The following NHSL1 variants were observed in gnomAD, a reference collection of about 807,000 sequenced individuals.
NHSL1 encodes the protein NHS like 1, also known as NHS-like protein 1.
In NHSL1, 48 loss-of-function variants were observed where a neutral mutation model predicts 95.0. That is an observed-to-expected ratio of 0.51 (90% CI 0.40 to 0.64). The LOEUF (loss-of-function observed/expected upper bound fraction) is 0.64. Among genes scored for constraint, NHSL1 ranks in the 30% least tolerant of loss-of-function variants. The pLI is 0.00. For synonymous variants in NHSL1, 783 were observed against 833.9 expected (o/e 0.94, Z 1.05); for missense variants, 1,971 against 2,077.7 (o/e 0.95, Z 1.00).
chr6:138,566,886 G>T (rs968626518), intron 1 of NHSL1, among the ~76,000 whole-genome samples: 14 of 152,154 alleles, frequency 9.2e-5, no homozygotes, highest in Non-Finnish European at 1.6e-4. Context: ...TCAGTAGGAA[G>T]TAAGAGCAAA....
intron 1 of NHSL1, among the ~76,000 whole-genome samples, chr6:138,514,364 A>G (rs1251597415): frequency 6.6e-6 from 1 of 151,870 alleles, no homozygotes; most frequent in Non-Finnish European, 1.5e-5. Context: ...TATTCTTAGG[A>G]TGTTAAAAAA....
chr6:138,437,399 T>TACAC (rs1776229817), intron 5 of NHSL1, among the ~76,000 whole-genome samples: 2 of 107,160 alleles, frequency 1.9e-5, no homozygotes, highest in African/African-American at 7.8e-5. Context: ...CATATATATA[T>TACAC]ATATACACAC....
intron 6 of NHSL1, 53 bp from the exon 7 acceptor site, chr6:138,429,896 C>CA: frequency 6.6e-7 from 1 of 1,515,852 alleles, no homozygotes; most frequent in Non-Finnish European, 8.9e-7. Flanking sequence ...GAATTTCAGT[C>CA]CTCAGCCAAG....
intron 2 of NHSL1, 70 bp downstream of exon 2, chr6:138,496,149 T>C (rs1780336460): frequency 2.1e-6 from 3 of 1,462,142 alleles, no homozygotes; most frequent in African/African-American, 1.4e-5. Context: ...GTTTTATAAA[T>C]AGATATCAAA....
chr6:138,636,597 A>C (rs916506956), intron 1 of NHSL1, among the ~76,000 whole-genome samples: 2 of 152,234 alleles, frequency 1.3e-5, no homozygotes, highest in Admixed American at 6.5e-5. Flanking sequence ...TAAAAAAATC[A>C]GTAGCATTTC....
chr6:138,649,687 A>G (rs923227105), intron 1 of NHSL1, among the ~76,000 whole-genome samples: 1 of 152,214 alleles, frequency 6.6e-6, no homozygotes, highest in Non-Finnish European at 1.5e-5. Context: ...TGCTGCCCTC[A>G]TATAAAAAGA....
At chr6:138,565,253 T>C (rs1431295756) in intron 1 of NHSL1, among the ~76,000 whole-genome samples, 1 of 152,030 alleles carries the variant, frequency 6.6e-6, no homozygotes, top group Admixed American at 6.6e-5. Flanking sequence ...ATTACAGGTA[T>C]GCCGCACTAA....
At chr6:138,613,438 C>T (rs972688959) in intron 1 of NHSL1, among the ~76,000 whole-genome samples, 2 of 152,178 alleles carry the variant, frequency 1.3e-5, no homozygotes, top group South Asian at 4.1e-4. Flanking sequence ...CCCCTGCTGA[C>T]AAATGCAGGC....
intron 2 of NHSL1, among the ~76,000 whole-genome samples, chr6:138,482,446 A>C (rs1413594263): frequency 1.3e-4 from 6 of 45,568 alleles, no homozygotes; most frequent in East Asian, 7.6e-4. Flanking sequence ...ACTCCGTCTC[A>C]AAAAAAAAAA....
At chr6:138,515,750 T>C (rs887245050) in intron 1 of NHSL1, among the ~76,000 whole-genome samples, 1 of 152,176 alleles carries the variant, frequency 6.6e-6, no homozygotes, top group Non-Finnish European at 1.5e-5. Context: ...CGGCTGGAAG[T>C]TAATAGTATC....
intron 1 of NHSL1, among the ~76,000 whole-genome samples, chr6:138,642,629 T>C (rs1251500708): frequency 6.6e-6 from 1 of 152,170 alleles, no homozygotes; most frequent in Non-Finnish European, 1.5e-5. Flanking sequence ...GGCTTTTTTG[T>C]TTGTTTCAGT....
chr6:138,594,452 G>A (rs570186383), intron 1 of NHSL1, among the ~76,000 whole-genome samples: 1 of 152,234 alleles, frequency 6.6e-6, no homozygotes, highest in East Asian at 1.9e-4. Context: ...GGGGACTGAC[G>A]TGACATCGTT....
Position 138,424,800 on chromosome 6 carries a change from G to C in NHSL1, c.4102C>G (p.Leu1368Val). 6.5e-7 allele frequency: 1 copy of C among 1,549,686 alleles called. No homozygotes were observed. The highest frequency in any genetic ancestry group is 8.7e-7 in the Non-Finnish European group (1 of 1,145,704). The part of the protein sequence containing the change: ...AAIHRSKRKV[L>V]GRRDSDDDHS... Reference sequence around the variant, plus strand: ...TCATCATCTGAATCTCTACGGCCGAGGACTTTCCTTTTGGATCTGAGATTT... The same window carrying C: ...TCATCATCTGAATCTCTACGGCCGACGACTTTCCTTTTGGATCTGAGATTT... Residue 1368 changes from leucine to valine, a missense_variant, in exon 8 of 8, where the codon CTC becomes GTC. Leu to Val is a conservative substitution (Grantham distance 32). This residue lies in a region of NHSL1 where 146 missense variants were observed against 206.3 expected (regional missense o/e 0.71). Transcript: ENST00000343505. The surrounding 1 kb of genome is among the most constrained non-coding windows in gnomAD (Gnocchi z 5.9).
At chr6:138,445,849 C>A (rs891382958) in intron 4 of NHSL1, among the ~76,000 whole-genome samples, 1 of 152,144 alleles carries the variant, frequency 6.6e-6, no homozygotes, top group African/African-American at 2.4e-5. Context: ...GCCTTAAGGG[C>A]CCTGCTTTGT....
At chr6:138,662,858 C>T (rs191305941) in intron 1 of NHSL1, among the ~76,000 whole-genome samples, 1 of 151,836 alleles carries the variant, frequency 6.6e-6, no homozygotes, top group Non-Finnish European at 1.5e-5. Flanking sequence ...TAAGAACACA[C>T]TTCAACTTTC....
At chr6:138,621,246 AATAAGT>A (rs1323857479) in intron 1 of NHSL1, among the ~76,000 whole-genome samples, 1 of 152,216 alleles carries the variant, frequency 6.6e-6, no homozygotes, top group Admixed American at 6.5e-5. Flanking sequence ...AACTGTCTAT[AATAAGT>A]ATGCTTCATT....
At chr6:138,480,291 G>C (rs1405880982) in intron 2 of NHSL1, among the ~76,000 whole-genome samples, 2 of 152,108 alleles carry the variant, frequency 1.3e-5, no homozygotes, top group Non-Finnish European at 2.9e-5. Context: ...ATTCTCATTT[G>C]GTTTCAGATG....
At chr6:138,481,285 A>G (rs1185634408) in intron 2 of NHSL1, among the ~76,000 whole-genome samples, 1 of 152,196 alleles carries the variant, frequency 6.6e-6, no homozygotes, top group Non-Finnish European at 1.5e-5. Flanking sequence ...TGCATTTAAA[A>G]TAGAAGGGAT....
At chr6:138,580,535 A>C (rs1784037895) in intron 1 of NHSL1, among the ~76,000 whole-genome samples, 1 of 152,114 alleles carries the variant, frequency 6.6e-6, no homozygotes, top group Admixed American at 6.5e-5. Flanking sequence ...CTTATAATAC[A>C]TATTTGCCAG....
Sources: gnomAD v4.1 joint callset for allele counts (sites outside exome capture counted in the v4.1 genomes callset) on GRCh38, gnomAD v4.1.1 for gene constraint, gnomAD v4.1.1 regional missense constraint, Gnocchi (gnomAD v3.1) non-coding constraint, MANE v1.5 for transcripts, NCBI Gene and HGNC (gene_info 2026-07-23, HGNC 2026-07-21) for gene names.